Variants in LIN7A observed in about 807,000 individuals in gnomAD.
The protein encoded by LIN7A is protein lin-7 homolog A.
Under a neutral mutation model 29.8 loss-of-function variants are expected in LIN7A, and 25 were observed. The ratio of observed to expected loss-of-function variants is 0.84; its 90% CI spans 0.61 to 1.17. LIN7A has a LOEUF of 1.17. Among genes scored for constraint, LIN7A ranks in the 50% most tolerant of loss-of-function variants. The pLI, the probability that LIN7A is intolerant of heterozygous loss-of-function variation, is 0.00. For missense variants in LIN7A, 239 were observed against 287.0 expected (o/e 0.83, Z 1.21); for synonymous variants, 118 against 107.5 (o/e 1.10, Z -0.60).
Position 80,864,706 on chromosome 12 carries a change from C to T in LIN7A, c.202-16384G>A, listed in dbSNP as rs115097082. On this transcript the variant is annotated intron_variant, in intron 2 of 5. Transcript: ENST00000552864. ...GGTTCAATTATAGTATGGAAAAAGGCATCAAAACGCAACATTTTTTAATGT... is the reference window on the plus strand; with the variant it reads ...GGTTCAATTATAGTATGGAAAAAGGTATCAAAACGCAACATTTTTTAATGT... 2.9e-3 allele frequency among the ~76,000 whole-genome samples: 442 copies of T among 152,236 alleles called. 4 individuals carry two copies. The highest frequency in any genetic ancestry group is 0.01 in the African/African-American group (428 of 41,530).
chr12:80,929,571 C>T (rs1416253486), intron 1 of LIN7A, among the ~76,000 whole-genome samples: 1 of 152,124 alleles, frequency 6.6e-6, no homozygotes, highest in Non-Finnish European at 1.5e-5. Context: ...CACAAGGTGT[C>T]TGTGAGAGTT....
At chr12:80,931,929 A>C (rs1463000995) in intron 1 of LIN7A, among the ~76,000 whole-genome samples, 1 of 152,222 alleles carries the variant, frequency 6.6e-6, no homozygotes, top group East Asian at 1.9e-4. Context: ...TGAAAACGAC[A>C]TAAAGACTAA....
chr12:80,810,756 T>C (rs1282856271), intron 5 of LIN7A, among the ~76,000 whole-genome samples: 1 of 152,240 alleles, frequency 6.6e-6, no homozygotes, highest in Non-Finnish European at 1.5e-5. Flanking sequence ...GCACTTGTTA[T>C]CTTTCCTCTT....
chr12:80,817,057 C>T (rs574715604), intron 4 of LIN7A, among the ~76,000 whole-genome samples: 128 of 152,288 alleles, frequency 8.4e-4, no homozygotes, highest in Non-Finnish European at 1.7e-3. Context: ...AATGAGCCAC[C>T]GTGCCCAGAC....
intron 2 of LIN7A, among the ~76,000 whole-genome samples, chr12:80,868,839 G>T (rs545625377): frequency 6.6e-5 from 10 of 151,936 alleles, no homozygotes; most frequent in South Asian, 2.1e-4. Context: ...GGTTTCAGGT[G>T]GGGGGGCCCA....
chr12:80,924,724 T>C (rs1877485276), intron 1 of LIN7A, among the ~76,000 whole-genome samples: 1 of 152,172 alleles, frequency 6.6e-6, no homozygotes, highest in African/African-American at 2.4e-5. Context: ...AAGTTAAAAG[T>C]CACTCTTGGT....
intron 1 of LIN7A, among the ~76,000 whole-genome samples, chr12:80,931,336 T>A (rs1223985789): frequency 6.6e-6 from 1 of 152,204 alleles, no homozygotes; most frequent in Non-Finnish European, 1.5e-5. Context: ...TCTTTGTAAC[T>A]TTTAATTATC....
chr12:80,881,066 C>A (rs2120582376), intron 2 of LIN7A, among the ~76,000 whole-genome samples: 1 of 152,126 alleles, frequency 6.6e-6, no homozygotes, highest in East Asian at 1.9e-4. Flanking sequence ...TTTATGGTTT[C>A]TTTTGATTGG....
intron 4 of LIN7A, among the ~76,000 whole-genome samples, chr12:80,826,340 C>G (rs1872077649): frequency 6.6e-6 from 1 of 152,190 alleles, no homozygotes; most frequent in Non-Finnish European, 1.5e-5. Flanking sequence ...TGTAGCCACC[C>G]AAGTTGGACC....
intron 1 of LIN7A, among the ~76,000 whole-genome samples, chr12:80,909,200 G>T (rs1224075634): frequency 6.6e-6 from 1 of 152,116 alleles, no homozygotes; most frequent in Non-Finnish European, 1.5e-5. Flanking sequence ...AATTTTTACA[G>T]TACCATTATT....
chr12:80,851,399 C>T (rs1176589996), intron 2 of LIN7A, among the ~76,000 whole-genome samples: 2 of 149,104 alleles, frequency 1.3e-5, no homozygotes, highest in African/African-American at 5.0e-5. Flanking sequence ...TTCTGATTAG[C>T]TGGTTTTCAA....
chr12:80,810,231 A>G (rs1871220814), intron 5 of LIN7A, among the ~76,000 whole-genome samples: 1 of 152,060 alleles, frequency 6.6e-6, no homozygotes, highest in African/African-American at 2.4e-5. Flanking sequence ...CTCTACTTCT[A>G]TGAATTAAAG....
Position 80,937,844 on chromosome 12 carries a change from G to A in LIN7A, c.-122C>T, listed in dbSNP as rs879853884. 72 of 730,226 alleles carry A rather than the reference G, an allele frequency of 9.9e-5. No individual in the cohort carries two copies. The highest frequency in any genetic ancestry group is 1.3e-4 in the Non-Finnish European group (63 of 486,662). The allele number at this position is 730,226 out of a possible 1,614,324, so 45.2% of individuals were successfully genotyped here. ...TGGTGGTGGTGGAGAAGAAAGCTTG[G>A]GTGGGTTGGTAGCCAGATGGAGACG... On this transcript the variant is annotated 5_prime_UTR_variant, in exon 1 of 6. Coordinates refer to ENST00000552864, the MANE Select transcript of LIN7A (RefSeq NM_004664.4).
chr12:80,824,693 T>C (rs2088153), intron 4 of LIN7A, among the ~76,000 whole-genome samples: 37,287 of 152,148 alleles, frequency 0.25, 5,264 homozygotes, highest in Non-Finnish European at 0.33. Context: ...TTATCAGGGA[T>C]GCAGGGATGG....
chr12:80,863,403 A>G (rs1032868134), intron 2 of LIN7A, among the ~76,000 whole-genome samples: 5 of 152,220 alleles, frequency 3.3e-5, no homozygotes, highest in Non-Finnish European at 5.9e-5. Context: ...AAGACAGTCA[A>G]TGTGTCGGCT....
intron 1 of LIN7A, among the ~76,000 whole-genome samples, chr12:80,917,935 T>G (rs1170606069): frequency 6.6e-6 from 1 of 152,258 alleles, no homozygotes; most frequent in Non-Finnish European, 1.5e-5. Context: ...GTTTCTTCTA[T>G]GAGAAACCAG....
chr12:80,849,964 G>T (rs1873250716), intron 2 of LIN7A, among the ~76,000 whole-genome samples: 1 of 152,114 alleles, frequency 6.6e-6, no homozygotes. Context: ...AAGTGACTTT[G>T]CCTGCATCCA....
intron 5 of LIN7A, among the ~76,000 whole-genome samples, chr12:80,798,644 CTAAG>C (rs1488121935): frequency 6.6e-6 from 1 of 152,126 alleles, no homozygotes; most frequent in African/African-American, 2.4e-5. Context: ...TGAGTGCTCA[CTAAG>C]TGTCACATAT....
At chr12:80,903,225 A>G (rs994710016) in intron 1 of LIN7A, among the ~76,000 whole-genome samples, 2 of 151,980 alleles carry the variant, frequency 1.3e-5, no homozygotes, top group Non-Finnish European at 2.9e-5. Flanking sequence ...GAGATAAAAA[A>G]TTAAATGTAA....
Sources: allele counts gnomAD v4.1 joint callset (sites outside exome capture counted in the v4.1 genomes callset), GRCh38; gene constraint gnomAD v4.1.1; transcripts MANE v1.5; gene names NCBI Gene and HGNC (gene_info 2026-07-23, HGNC 2026-07-21).